Variants in FAM13C observed in about 807,000 individuals in gnomAD.
The protein encoded by FAM13C is family with sequence similarity 13 member C.
In FAM13C, 37 loss-of-function variants were observed where a neutral mutation model predicts 73.2. The ratio of observed to expected loss-of-function variants is 0.51; its 90% CI spans 0.39 to 0.67. The LOEUF (loss-of-function observed/expected upper bound fraction) is 0.67, where lower values mean the gene tolerates loss of function less well. Among genes scored for constraint, FAM13C ranks in the 30% least tolerant of loss-of-function variants. The pLI, the probability that FAM13C is intolerant of heterozygous loss-of-function variation, is 0.00. For missense variants in FAM13C, 589 were observed against 715.6 expected (o/e 0.82, Z 2.02); for synonymous variants, 246 against 260.9 (o/e 0.94, Z 0.55).
At chr10:59,300,706 C>T (rs948992619) in intron 5 of FAM13C, 3 of 152,154 alleles carry the variant, frequency 2.0e-5, no homozygotes, top group African/African-American at 7.2e-5. Flanking sequence ...ATGAATGACC[C>T]TCATGAATAT....
At chr10:59,338,915 G>A (rs994579162) in intron 3 of FAM13C, among the ~76,000 whole-genome samples, 3 of 152,134 alleles carry the variant, frequency 2.0e-5, no homozygotes, top group African/African-American at 7.2e-5. Flanking sequence ...TAATTTGTTG[G>A]CTTAAAAACA....
intron 1 of FAM13C, chr10:59,361,203 G>T: frequency 1.2e-6 from 1 of 836,080 alleles, no homozygotes; most frequent in Non-Finnish European, 1.6e-6. Flanking sequence ...TTCTTCTAAA[G>T]TCAATCCTGT....
rs576581780 is a variant in FAM13C, at chr10:59,251,766, T to C, written c.1533-90A>G. 35 of 985,104 alleles carry C rather than the reference T, an allele frequency of 3.6e-5. No individual in the cohort carries two copies. In the South Asian group the frequency reaches 5.6e-4, roughly 16 times the overall value. 61.0% of individuals were successfully genotyped at this position (985,104 alleles called of 1,614,324 possible). On this transcript the variant is annotated intron_variant, in intron 12 of 13. Transcript: ENST00000618804. ...ATTTATCTGTTCAGCCAAAAAAGCA[T>C]CTATGATTGAAAAGTGTTCCCATCA... is the stretch of plus-strand genomic sequence containing the variant.
chr10:59,274,606 A>AG (rs1168296813), intron 6 of FAM13C, among the ~76,000 whole-genome samples: 1 of 152,190 alleles, frequency 6.6e-6, no homozygotes, highest in Non-Finnish European at 1.5e-5. Context: ...CAAACCCAAG[A>AG]GGCAGTTTGC....
chr10:59,269,899 A>G lies in FAM13C; in HGVS notation c.803T>C (p.Met268Thr). The change falls in exon 7 of 14, where the codon ATG (methionine) becomes ACG (threonine). Residue 268 changes from methionine (M) to threonine (T), a missense_variant and splice_region_variant. Physicochemically the swap from Met to Thr is moderately conservative, Grantham distance 81 (BLOSUM62 -1). Coordinates refer to ENST00000618804, the MANE Select transcript of FAM13C (RefSeq NM_198215.4). ...PSPPSTQQFM[M>T]PRSSSRCSCG... ...GACAATAACAAAACAGTTTTCTCAC[A>G]TCATAAACTGCTGAGTGCTGGGTGG... 1 of 1,613,748 alleles carries G rather than the reference A, an allele frequency of 6.2e-7. No homozygotes were observed. The highest frequency in any genetic ancestry group is 1.1e-5 in the South Asian group (1 of 91,046).
chr10:59,343,776 GGTTATGTACCATGT>G (rs944904043), intron 3 of FAM13C, among the ~76,000 whole-genome samples: 1 of 152,088 alleles, frequency 6.6e-6, no homozygotes, highest in African/African-American at 2.4e-5. Flanking sequence ...GACCAATGAT[GGTTATGTACCATGT>G]GTGAGAAATG....
chr10:59,348,848 C>A (rs569987353), intron 3 of FAM13C, among the ~76,000 whole-genome samples: 1 of 152,234 alleles, frequency 6.6e-6, no homozygotes, highest in East Asian at 1.9e-4. Flanking sequence ...GTTGGCCAGG[C>A]TGGTCTCGAA....
rs1242171430 is a variant in FAM13C at position 59,259,614 on chromosome 10, A to C, written c.1236+2820T>G. 2.0e-5 allele frequency among the ~76,000 whole-genome samples: 3 copies of C among 152,268 alleles called. 1 individual carries two copies. Among genetic ancestry groups the C allele is most frequent in the Non-Finnish European group, 2.9e-5 (2 of 68,006 alleles). ...GCTTTATGTATTTACATTTTCTATT[A>C]CAGATGCTCTCTGTTTAAAGGGCCT... On this transcript the variant is annotated intron_variant, in intron 10 of 13. Coordinates refer to ENST00000618804, the MANE Select transcript of FAM13C (RefSeq NM_198215.4).
At chr10:59,324,487 T>C (rs1850814578) in intron 3 of FAM13C, among the ~76,000 whole-genome samples, 1 of 152,008 alleles carries the variant, frequency 6.6e-6, no homozygotes, top group African/African-American at 2.4e-5. Context: ...AATAAACATA[T>C]GTATGAATGT....
At chr10:59,264,739 C>A (rs1415732852) in intron 8 of FAM13C, among the ~76,000 whole-genome samples, 1 of 152,138 alleles carries the variant, frequency 6.6e-6, no homozygotes, top group East Asian at 1.9e-4. Context: ...CCCGAGAAGT[C>A]AGTTTGTTAG....
At chr10:59,336,233 T>C (rs1852707708) in intron 3 of FAM13C, among the ~76,000 whole-genome samples, 1 of 152,230 alleles carries the variant, frequency 6.6e-6, no homozygotes, top group South Asian at 2.1e-4. Flanking sequence ...AAATCTTCAA[T>C]GACACTGACC....
chr10:59,288,098 T>C (rs1168880382), intron 5 of FAM13C, among the ~76,000 whole-genome samples: 1 of 152,154 alleles, frequency 6.6e-6, no homozygotes, highest in Admixed American at 6.5e-5. Flanking sequence ...ACAACACAAA[T>C]AGGTTTCAAA....
At chr10:59,347,160 C>T (rs1295352028) in intron 3 of FAM13C, among the ~76,000 whole-genome samples, 1 of 152,158 alleles carries the variant, frequency 6.6e-6, no homozygotes, top group East Asian at 1.9e-4. Flanking sequence ...AATACCTTAA[C>T]TTATTTGGGG....
At chr10:59,313,680 C>A (rs895793968) in intron 4 of FAM13C, among the ~76,000 whole-genome samples, 2 of 152,100 alleles carry the variant, frequency 1.3e-5, no homozygotes, top group East Asian at 3.8e-4. Flanking sequence ...AAGCTAAGGT[C>A]TAGCTTAAAG....
Position 59,350,637 on chromosome 10 carries a change from C to A in FAM13C, c.324+1633G>T, listed in dbSNP as rs544799806. Among the ~76,000 whole-genome samples, 8 of 152,308 alleles carry A rather than the reference C, an allele frequency of 5.3e-5. No individual in the cohort carries two copies. The East Asian group carries it at 1.5e-3, about 29-fold the overall frequency. On this transcript the variant is annotated intron_variant, in intron 3 of 13. Coordinates refer to ENST00000618804, the MANE Select transcript of FAM13C (RefSeq NM_198215.4). ...CTCTGTTTAAGATCATCACAACACA[C>A]CTTCATTAATGCAGAGGGCATTTTC...
chr10:59,295,539 G>C (rs905015304), intron 5 of FAM13C, among the ~76,000 whole-genome samples: 1 of 152,044 alleles, frequency 6.6e-6, no homozygotes, highest in South Asian at 2.1e-4. Context: ...TGGGACGGGG[G>C]CTTTTCTCCA....
At chr10:59,275,533 T>C (rs949398598) in intron 6 of FAM13C, among the ~76,000 whole-genome samples, 7 of 152,204 alleles carry the variant, frequency 4.6e-5, no homozygotes, top group Non-Finnish European at 8.8e-5. Flanking sequence ...GACTAAAATA[T>C]ATAGGAAACC....
In FAM13C at chr10:59,353,150, G is replaced by A. The variant is rs554690836; in HGVS notation, c.120-676C>T. ...GGTTCTGAAGAAGATGGAAGAGGGC[G>A]GTGTTATCTTCATATATTCAGGGCT... is the stretch of plus-strand genomic sequence containing the variant. On this transcript the variant is annotated intron_variant, in intron 2 of 13. Coordinates refer to ENST00000618804, the MANE Select transcript of FAM13C (RefSeq NM_198215.4). Among the ~76,000 whole-genome samples the A allele has an allele frequency of 7.2e-5, 11 of 152,264 alleles. No individual in the cohort carries two copies. In the East Asian group the frequency reaches 1.7e-3, roughly 24 times the overall value.
intron 5 of FAM13C, among the ~76,000 whole-genome samples, chr10:59,284,750 C>CA (rs1845358658): frequency 6.6e-6 from 1 of 150,582 alleles, no homozygotes; most frequent in Non-Finnish European, 1.5e-5. Context: ...TCCACACACA[C>CA]ACACCCTTAC....
Sources: allele counts gnomAD v4.1 joint callset (sites outside exome capture counted in the v4.1 genomes callset), GRCh38; gene constraint gnomAD v4.1.1; transcripts MANE v1.5; gene names NCBI Gene and HGNC (gene_info 2026-07-23, HGNC 2026-07-21).